Variants in DGKH observed in about 807,000 individuals in gnomAD.
The protein encoded by DGKH is diacylglycerol kinase eta.
Under a neutral mutation model 159.3 loss-of-function variants are expected in DGKH, and 90 were observed. The observed-to-expected ratio is 0.57, with a 90% CI of 0.48 to 0.67. The LOEUF is 0.67. DGKH is among the 30% of genes least tolerant of loss of function. The pLI, the probability that DGKH is intolerant of heterozygous loss-of-function variation, is 0.00. For synonymous variants in DGKH, 536 were observed against 553.8 expected (o/e 0.97, Z 0.45); for missense variants, 1,181 against 1,506.1 (o/e 0.78, Z 3.57).
chr13:42,193,363 A>G (rs930857434), intron 16 of DGKH, among the ~76,000 whole-genome samples: 3 of 152,226 alleles, frequency 2.0e-5, no homozygotes, highest in African/African-American at 7.2e-5. Flanking sequence ...TGATATTGAA[A>G]TAGACAGAGA....
At chr13:42,139,408 G>A (rs562649551) in intron 3 of DGKH, among the ~76,000 whole-genome samples, 1 of 152,334 alleles carries the variant, frequency 6.6e-6, no homozygotes, top group South Asian at 2.1e-4. Flanking sequence ...AGGGTCCGAG[G>A]TGGTTAATAG....
chr13:42,087,537 C>T (rs957469722), intron 1 of DGKH, among the ~76,000 whole-genome samples: 2 of 151,960 alleles, frequency 1.3e-5, no homozygotes, highest in South Asian at 2.1e-4. Flanking sequence ...TAGTATACTT[C>T]GTTTGTTCAA....
At chr13:42,198,814 C>T (rs1451656554) in intron 18 of DGKH, among the ~76,000 whole-genome samples, 11 of 152,048 alleles carry the variant, frequency 7.2e-5, no homozygotes, top group African/African-American at 1.7e-4. Context: ...TTTTCCAGCC[C>T]GTTCTCTCTG....
At chr13:42,166,766 C>T in intron 9 of DGKH, 92 bp downstream of exon 9, 1 of 1,107,520 alleles carries the variant, frequency 9.0e-7, no homozygotes, top group Non-Finnish European at 1.2e-6. Flanking sequence ...TTACAGATTC[C>T]TCTAGATCCC....
intron 1 of DGKH, among the ~76,000 whole-genome samples, chr13:42,101,058 C>T (rs149340063): frequency 1.3e-5 from 2 of 152,330 alleles, no homozygotes; most frequent in Non-Finnish European, 2.9e-5. Flanking sequence ...TCTAGCTTAT[C>T]CATCCAGCAC....
chr13:42,226,785 A>G (rs1431768003), intron 29 of DGKH, among the ~76,000 whole-genome samples: 1 of 152,040 alleles, frequency 6.6e-6, no homozygotes, highest in Non-Finnish European at 1.5e-5. Context: ...TGAACCTGGG[A>G]AGCAGAGGTT....
At chr13:42,040,503 C>CG (rs946119201) in intron 1 of DGKH, among the ~76,000 whole-genome samples, 4 of 147,276 alleles carry the variant, frequency 2.7e-5, no homozygotes, top group Admixed American at 2.0e-4. Flanking sequence ...GGAGGGGCGG[C>CG]GGGGGGGAGG....
chr13:42,130,263 C>T lies in DGKH; in HGVS notation c.384+631C>T, dbSNP rs146666716. ...GTCCCACCAGTGCAGCAATTCTACC[C>T]ATGCCTATGCTTTTCCTGTTCCCTC... On this transcript the variant is annotated intron_variant, in intron 3 of 29. Coordinates refer to ENST00000337343, the MANE Select transcript of DGKH (RefSeq NM_178009.5). Among the ~76,000 whole-genome samples the T allele has an allele frequency of 3.5e-3, 536 of 152,256 alleles. 7 individuals carry two copies. The East Asian group carries it at 0.046, about 13-fold the overall frequency.
At chr13:42,133,199 A>G (rs1439613685) in intron 3 of DGKH, among the ~76,000 whole-genome samples, 2 of 150,126 alleles carry the variant, frequency 1.3e-5, no homozygotes, top group African/African-American at 2.4e-5. Context: ...TTTTTTTACT[A>G]TTTATTTTTA....
In DGKH at chr13:42,233,349, G is replaced by A. The variant is rs1958347025; in HGVS notation, c.*4161G>A. ...GAGCTTACAGAAATGCAGAATTTCA[G>A]GCCCACTGCAGATCTACCGAATCAA... On this transcript the variant is annotated 3_prime_UTR_variant, in exon 30 of 30. Transcript: ENST00000337343. The A allele has an allele frequency of 1.3e-5, 2 of 152,198 alleles. No individual in the cohort carries two copies. Among genetic ancestry groups the A allele is most frequent in the African/African-American group, 2.4e-5 (1 of 41,422 alleles). 9.4% of individuals were successfully genotyped at this position (152,198 alleles called of 1,614,324 possible).
chr13:42,069,161 G>C (rs1882791008), intron 1 of DGKH: 1 of 1,364,056 alleles, frequency 7.3e-7, no homozygotes, highest in Admixed American at 1.9e-5. Context: ...TCCTCTACTG[G>C]CTCAGTTTCT....
chr13:42,135,932 T>C (rs1955394563), intron 3 of DGKH, among the ~76,000 whole-genome samples: 1 of 152,226 alleles, frequency 6.6e-6, no homozygotes, highest in African/African-American at 2.4e-5. Flanking sequence ...CCCAGATTTG[T>C]TTTTATTTAC....
intron 7 of DGKH, among the ~76,000 whole-genome samples, chr13:42,161,759 G>T (rs1274441343): frequency 6.8e-6 from 1 of 146,554 alleles, no homozygotes; most frequent in Non-Finnish European, 1.5e-5. Context: ...CAGCCTGGGT[G>T]ACAGAGCAAG....
At chr13:42,057,316 T>A (rs1372168484) in intron 1 of DGKH, among the ~76,000 whole-genome samples, 1 of 152,192 alleles carries the variant, frequency 6.6e-6, no homozygotes, top group Admixed American at 6.5e-5. Flanking sequence ...AGCTAGAGAA[T>A]GAAAACGACA....
chr13:42,195,587 G>T (rs963453067), intron 17 of DGKH, among the ~76,000 whole-genome samples: 5 of 152,194 alleles, frequency 3.3e-5, no homozygotes, highest in African/African-American at 1.2e-4. Flanking sequence ...CCAGGAATCT[G>T]CATTTACTAA....
At position 42,168,509 on chromosome 13, in the gene DGKH, G is replaced by A; in HGVS notation, c.1188G>A (p.Trp396Ter). 6.2e-7 allele frequency: 1 copy of A among 1,614,080 alleles called. No individual in the cohort carries two copies. The highest frequency in any genetic ancestry group is 8.5e-7 in the Non-Finnish European group (1 of 1,179,984). Reference sequence around the variant, plus strand: ...GTGGAGGCGATGGAAGTGTAGGTTGGGTTTTGTCAGAAATCGATAAGCTCA... The same window carrying A: ...GTGGAGGCGATGGAAGTGTAGGTTGAGTTTTGTCAGAAATCGATAAGCTCA... ...LVCGGDGSVG[W>*]VLSEIDKLNL... Residue 396 changes from tryptophan (W) to a stop codon, truncating the protein, a stop_gained, in exon 10 of 30, where the codon TGG becomes TGA. Transcript: ENST00000337343. LOFTEE classifies it high-confidence loss of function.
At chr13:42,191,537 G>T (rs1957065926) in intron 16 of DGKH, among the ~76,000 whole-genome samples, 1 of 151,482 alleles carries the variant, frequency 6.6e-6, no homozygotes, top group African/African-American at 2.4e-5. Flanking sequence ...TTCATACAAT[G>T]AAAAAAAACC....
intron 13 of DGKH, chr13:42,181,671 C>T (rs1462450730): frequency 5.1e-6 from 2 of 394,400 alleles, no homozygotes; most frequent in Non-Finnish European, 1.0e-5. Context: ...TCTGTTTAAG[C>T]CACCCCATTC....
At chr13:42,055,461 CATA>C (rs1413506943) in intron 1 of DGKH, among the ~76,000 whole-genome samples, 15 of 152,084 alleles carry the variant, frequency 9.9e-5, no homozygotes, top group African/African-American at 3.4e-4. Flanking sequence ...AGATAAGAGA[CATA>C]ATAAATAATT....
Sources: allele counts gnomAD v4.1 joint callset (sites outside exome capture counted in the v4.1 genomes callset), GRCh38; gene constraint gnomAD v4.1.1; transcripts MANE v1.5; gene names NCBI Gene and HGNC (gene_info 2026-07-23, HGNC 2026-07-21).